The following CUX2 variants were observed in gnomAD, a reference collection of about 807,000 sequenced individuals.
CUX2 encodes cut like homeobox 2.
A neutral mutation model predicts 144.8 loss-of-function variants in CUX2; 40 were observed. The observed-to-expected ratio is 0.28, with a 90% confidence interval of 0.21 to 0.36. The LOEUF is 0.36. CUX2 is among the 10% of genes least tolerant of loss of function. The pLI, the probability that CUX2 is intolerant of heterozygous loss-of-function variation, is 1.00. For missense variants in CUX2, 1,615 were observed against 1,994.0 expected (o/e 0.81, Z 3.62); for synonymous variants, 827 against 875.6 (o/e 0.94, Z 0.98).
intron 1 of CUX2, among the ~76,000 whole-genome samples, chr12:111,187,923 C>T (rs955833299): frequency 2.0e-5 from 3 of 152,246 alleles, no homozygotes; most frequent in African/African-American, 7.2e-5. Context: ...GCCAGGCACC[C>T]TGCACCCCAG....
chr12:111,135,240 G>T (rs1178213675), intron 1 of CUX2, among the ~76,000 whole-genome samples: 6 of 152,100 alleles, frequency 3.9e-5, no homozygotes, highest in Non-Finnish European at 7.4e-5. Context: ...GGGGAGGGTG[G>T]GGTGTGGGAT....
At chr12:111,087,449 G>A (rs1872301776) in intron 1 of CUX2, among the ~76,000 whole-genome samples, 1 of 151,246 alleles carries the variant, frequency 6.6e-6, no homozygotes, top group South Asian at 2.1e-4. Context: ...TTTCTAGCCT[G>A]CCAGCTGGTG....
At position 111,298,556 on chromosome 12, in the gene CUX2, C is replaced by T; in HGVS notation, c.720C>T (p.Gly240=). The change falls in exon 9 of 22, where the codon GGC becomes GGT. Residue 240 remains glycine (G), a synonymous_variant. Transcript: ENST00000261726. ...EEAASKADEV[G]LIMTNLEKAN... ...TGTGTCTCAGGGCAGATGAAGTCGG[C>T]CTGATCATGACCAACCTGGAGAAAG... 1 of 1,580,098 alleles carries T rather than the reference C, an allele frequency of 6.3e-7. No homozygotes were observed.
At chr12:111,125,709 C>G (rs985723128) in intron 1 of CUX2, among the ~76,000 whole-genome samples, 5 of 152,004 alleles carry the variant, frequency 3.3e-5, no homozygotes, top group African/African-American at 1.2e-4. Context: ...GCAGATTCCG[C>G]ATGGATAGGA....
chr12:111,312,917 G>T lies in CUX2; in HGVS notation c.2002+716G>T, dbSNP rs1282811443. ...ACTCAGAAGTCACCTCCTGCAAGAA[G>T]ATGGGTTGGACACTGCACCCGCTTC... On this transcript the variant is annotated intron_variant, in intron 16 of 21. Transcript: ENST00000261726. The surrounding 1 kb of genome is among the most constrained non-coding windows in gnomAD (Gnocchi z 4.3). Among the ~76,000 whole-genome samples the T allele has an allele frequency of 2.6e-5, 4 of 152,146 alleles. No individual in the cohort carries two copies. Among genetic ancestry groups the T allele is most frequent in the Non-Finnish European group, 5.9e-5 (4 of 68,032 alleles).
intron 1 of CUX2, among the ~76,000 whole-genome samples, chr12:111,050,549 C>T: frequency 6.6e-6 from 1 of 152,200 alleles, no homozygotes; most frequent in East Asian, 1.9e-4. Flanking sequence ...GGGATGGCTC[C>T]ATCCGGGTCT....
chr12:111,107,760 G>A (rs929117887), intron 1 of CUX2, among the ~76,000 whole-genome samples: 12 of 152,154 alleles, frequency 7.9e-5, no homozygotes, highest in African/African-American at 2.9e-4. Flanking sequence ...AAAGCTTTGG[G>A]TGTAATTTAT....
rs1375448984 is a variant in CUX2, at chr12:111,039,358, G to A, written c.63+5118G>A. On this transcript the variant is annotated intron_variant, in intron 1 of 21. Coordinates refer to ENST00000261726, the MANE Select transcript of CUX2 (RefSeq NM_015267.4). The surrounding 1 kb of genome is among the most constrained non-coding windows in gnomAD (Gnocchi z 4.2). ...AGGGTGTCAGGGATGGTAGAGGTTG[G>A]CAGGGGGGAAGGACCCCAAGAACTG... Among the ~76,000 whole-genome samples the A allele has an allele frequency of 6.6e-6, 1 of 152,108 alleles. No individual in the cohort carries two copies. The highest frequency in any genetic ancestry group is 1.5e-5 in the Non-Finnish European group (1 of 68,028).
At chr12:111,121,539 G>A (rs1874693092) in intron 1 of CUX2, among the ~76,000 whole-genome samples, 1 of 151,746 alleles carries the variant, frequency 6.6e-6, no homozygotes, top group Non-Finnish European at 1.5e-5. Flanking sequence ...ACCACACCCA[G>A]CTAGTAGAGG....
At chr12:111,281,855 G>A (rs1380964587) in intron 4 of CUX2, among the ~76,000 whole-genome samples, 4 of 152,156 alleles carry the variant, frequency 2.6e-5, no homozygotes, top group African/African-American at 4.8e-5. Flanking sequence ...AAGGAAAGAG[G>A]GGAGAGAGAA....
chr12:111,333,033 C>A, intron 18 of CUX2, among the ~76,000 whole-genome samples: 1 of 152,056 alleles, frequency 6.6e-6, no homozygotes, highest in Non-Finnish European at 1.5e-5. Context: ...CATGGTGGAA[C>A]CCCGTCTCTA....
At chr12:111,044,211 T>C (rs1303588797) in intron 1 of CUX2, among the ~76,000 whole-genome samples, 4 of 152,180 alleles carry the variant, frequency 2.6e-5, no homozygotes, top group Admixed American at 6.5e-5. Flanking sequence ...AGAAATGGGA[T>C]TGGGACATCT....
chr12:111,194,503 G>A (rs1306355855), intron 1 of CUX2, among the ~76,000 whole-genome samples: 1 of 152,216 alleles, frequency 6.6e-6, no homozygotes, highest in Non-Finnish European at 1.5e-5. Flanking sequence ...TGGATTTGGG[G>A]CCTTTCTGGA....
At chr12:111,111,312 A>T in intron 1 of CUX2, among the ~76,000 whole-genome samples, 1 of 152,044 alleles carries the variant, frequency 6.6e-6, no homozygotes, top group East Asian at 1.9e-4. Context: ...AAAAGAAAAA[A>T]AAAAGAGAGA....
At chr12:111,165,438 T>G (rs1004969968) in intron 1 of CUX2, among the ~76,000 whole-genome samples, 2 of 152,188 alleles carry the variant, frequency 1.3e-5, no homozygotes, top group African/African-American at 4.8e-5. Context: ...GGACACAGAC[T>G]GTCGTCTGTC....
chr12:111,138,621 T>C (rs1876084059), intron 1 of CUX2, among the ~76,000 whole-genome samples: 1 of 152,072 alleles, frequency 6.6e-6, no homozygotes, highest in South Asian at 2.1e-4. Flanking sequence ...CCCTTCTTGA[T>C]TGAATGCTAG....
chr12:111,223,050 G>A (rs114101759), intron 3 of CUX2, among the ~76,000 whole-genome samples: 4 of 152,160 alleles, frequency 2.6e-5, no homozygotes, highest in Admixed American at 6.5e-5. Flanking sequence ...TGCAGTACCC[G>A]GAAGAAGGAC....
intron 1 of CUX2, among the ~76,000 whole-genome samples, chr12:111,127,863 C>A (rs7133244): frequency 0.14 from 20,836 of 152,164 alleles, 4,815 homozygotes; most frequent in African/African-American, 0.47. Context: ...TTGTGCAGGG[C>A]AATTCCCACT....
chr12:111,261,496 A>G (rs963548756), intron 3 of CUX2, among the ~76,000 whole-genome samples: 1 of 149,530 alleles, frequency 6.7e-6, no homozygotes, highest in Non-Finnish European at 1.5e-5. Flanking sequence ...GTCTCATTCT[A>G]TTGCCCAGGC....
Sources: gnomAD v4.1 joint callset for allele counts (sites outside exome capture counted in the v4.1 genomes callset) on GRCh38, gnomAD v4.1.1 for gene constraint, Gnocchi (gnomAD v3.1) non-coding constraint, MANE v1.5 for transcripts, NCBI Gene and HGNC (gene_info 2026-07-23, HGNC 2026-07-21) for gene names.